Variants in ACYP2 observed in about 807,000 individuals in gnomAD.
ACYP2 encodes acylphosphatase 2, also known as acylphosphatase-2.
Under a neutral mutation model 11.2 loss-of-function variants are expected in ACYP2, and 12 were observed. The observed-to-expected ratio is 1.08, with a 90% CI of 0.69 to 1.74. The LOEUF (loss-of-function observed/expected upper bound fraction) is 1.74, where lower values mean the gene tolerates loss of function less well. Ranked by LOEUF, ACYP2 falls within the 40% of genes most tolerant of loss-of-function variation. The probability of loss-of-function intolerance (pLI) is 0.00; values close to 1 mark genes in which losing one functional copy is unlikely to be tolerated. For missense variants in ACYP2, 134 were observed against 101.9 expected (o/e 1.31, Z -1.35); for synonymous variants, 43 against 32.2 (o/e 1.33, Z -1.13).
intron 2 of ACYP2, among the ~76,000 whole-genome samples, chr2:54,045,487 A>G (rs1027040715): frequency 5.3e-5 from 8 of 152,208 alleles, no homozygotes; most frequent in Admixed American, 3.3e-4. Flanking sequence ...TTAGGGACCA[A>G]CCAAAGAGAA....
chr2:54,265,382 G>GGAAA (rs1301190359), intron 6 of ACYP2, among the ~76,000 whole-genome samples: 1 of 152,068 alleles, frequency 6.6e-6, no homozygotes, highest in African/African-American at 2.4e-5. Flanking sequence ...GAATAGCATG[G>GGAAA]GAAAGACCCA....
intron 6 of ACYP2, chr2:54,254,850 G>A: frequency 6.7e-7 from 1 of 1,487,802 alleles, no homozygotes; most frequent in Non-Finnish European, 9.1e-7. Flanking sequence ...ACCTAATGCT[G>A]TTGCCCAAGC....
At chr2:54,090,298 C>A (rs1433675056) in intron 4 of ACYP2, among the ~76,000 whole-genome samples, 1 of 152,052 alleles carries the variant, frequency 6.6e-6, no homozygotes, top group Non-Finnish European at 1.5e-5. Context: ...ACTGCATGAA[C>A]CTCTTTTGCC....
chr2:53,976,101 A>G (rs1671471634), intron 2 of ACYP2, among the ~76,000 whole-genome samples: 1 of 152,362 alleles, frequency 6.6e-6, no homozygotes, highest in South Asian at 2.1e-4. Flanking sequence ...ACAAAAAATG[A>G]CAGGTTATTA....
Position 54,096,965 on chromosome 2 carries a change from C to G in ACYP2, c.278-38488C>G, listed in dbSNP as rs375264613. Among the ~76,000 whole-genome samples, 60 of 152,332 alleles carry G rather than the reference C, an allele frequency of 3.9e-4. 1 individual carries two copies. The highest frequency in any genetic ancestry group is 1.4e-3 in the African/African-American group (57 of 41,582). On this transcript the variant is annotated intron_variant, in intron 4 of 6. Coordinates refer to ENST00000607452, the MANE Select transcript of ACYP2 (RefSeq NM_001320586.2). ...CCTCAAGCAATCCTCTTGCCTCAGC[C>G]TCTCAAAGTGCTAGCCTTACAGGCA...
At chr2:54,185,956 A>G (rs1359765680) in intron 6 of ACYP2, among the ~76,000 whole-genome samples, 1 of 151,680 alleles carries the variant, frequency 6.6e-6, no homozygotes, top group Non-Finnish European at 1.5e-5. Flanking sequence ...TATATGTATT[A>G]TAAATATAAT....
chr2:54,123,725 T>C (rs1215809064), intron 4 of ACYP2, among the ~76,000 whole-genome samples: 1 of 151,998 alleles, frequency 6.6e-6, no homozygotes, highest in African/African-American at 2.4e-5. Context: ...ATTTCAAGAT[T>C]GCTGCTTAGC....
At chr2:54,007,461 G>A (rs186449104) in intron 2 of ACYP2, among the ~76,000 whole-genome samples, 32 of 152,124 alleles carry the variant, frequency 2.1e-4, no homozygotes, top group African/African-American at 6.7e-4. Flanking sequence ...CACCATGTTG[G>A]CCAGGATGGT....
chr2:54,182,246 G>T (rs1275937011), intron 6 of ACYP2, among the ~76,000 whole-genome samples: 1 of 151,672 alleles, frequency 6.6e-6, no homozygotes, highest in Non-Finnish European at 1.5e-5. Context: ...TTTTAGTAGA[G>T]ACAGAGTTTC....
intron 6 of ACYP2, among the ~76,000 whole-genome samples, chr2:54,194,848 A>G (rs1024285121): frequency 2.6e-5 from 4 of 152,192 alleles, no homozygotes; most frequent in African/African-American, 9.6e-5. Context: ...TCCACATAGT[A>G]GGCTGTCACT....
At chr2:54,236,136 A>G (rs1686467509) in intron 6 of ACYP2, among the ~76,000 whole-genome samples, 1 of 151,908 alleles carries the variant, frequency 6.6e-6, no homozygotes, top group South Asian at 2.1e-4. Flanking sequence ...GGGTCTCACC[A>G]TGTTGCCCAG....
intron 4 of ACYP2, among the ~76,000 whole-genome samples, chr2:54,068,837 T>A (rs1010255907): frequency 5.3e-5 from 8 of 152,124 alleles, no homozygotes; most frequent in African/African-American, 1.9e-4. Context: ...CAATGGCTGT[T>A]GGTACAGCAA....
intron 6 of ACYP2, among the ~76,000 whole-genome samples, chr2:54,278,501 G>A (rs1318563277): frequency 6.6e-6 from 1 of 152,172 alleles, no homozygotes; most frequent in Non-Finnish European, 1.5e-5. Context: ...AATCAACTTG[G>A]CATCATTTCC....
intron 4 of ACYP2, among the ~76,000 whole-genome samples, chr2:54,107,645 A>G (rs958102213): frequency 1.3e-5 from 2 of 152,234 alleles, no homozygotes; most frequent in African/African-American, 4.8e-5. Flanking sequence ...AGGGCTAATG[A>G]AAGAGGCTCT....
At chr2:54,203,753 A>G (rs999230315) in intron 6 of ACYP2, among the ~76,000 whole-genome samples, 1 of 150,966 alleles carries the variant, frequency 6.6e-6, no homozygotes, top group African/African-American at 2.4e-5. Context: ...ATGGTATATT[A>G]CCTTGATTGC....
chr2:54,183,061 G>C (rs1347458827), intron 6 of ACYP2, among the ~76,000 whole-genome samples: 1 of 152,100 alleles, frequency 6.6e-6, no homozygotes, highest in African/African-American at 2.4e-5. Context: ...TCCAAATCTT[G>C]AGTTTTAAGT....
intron 6 of ACYP2, among the ~76,000 whole-genome samples, chr2:54,221,467 A>G (rs1435397615): frequency 1.3e-5 from 2 of 150,354 alleles, no homozygotes; most frequent in Non-Finnish European, 3.0e-5. Context: ...AACACCAATT[A>G]TTTGAGAGTT....
At chr2:54,260,311 AGAG>A (rs1449412278) in intron 6 of ACYP2, among the ~76,000 whole-genome samples, 1 of 152,182 alleles carries the variant, frequency 6.6e-6, no homozygotes, top group African/African-American at 2.4e-5. Context: ...GTCTGAGGAC[AGAG>A]AAGAAGGTAT....
chr2:54,226,009 T>C (rs968716214), intron 6 of ACYP2, among the ~76,000 whole-genome samples: 2 of 152,164 alleles, frequency 1.3e-5, no homozygotes, highest in Non-Finnish European at 2.9e-5. Context: ...TCTAGTAGAT[T>C]TGCTGGTTTG....
Sources: gnomAD v4.1 joint callset for allele counts (sites outside exome capture counted in the v4.1 genomes callset) on GRCh38, gnomAD v4.1.1 for gene constraint, MANE v1.5 for transcripts, NCBI Gene and HGNC (gene_info 2026-07-23, HGNC 2026-07-21) for gene names.